Variants in B4GALNT3 observed in about 807,000 individuals in gnomAD.
B4GALNT3 encodes the protein beta-1,4-N-acetylgalactosaminyltransferase 3.
A neutral mutation model predicts 120.2 loss-of-function variants in B4GALNT3; 86 were observed. The observed-to-expected ratio is 0.72, with a 90% CI of 0.60 to 0.86. The LOEUF (loss-of-function observed/expected upper bound fraction) is 0.86, where lower values mean the gene tolerates loss of function less well. Among genes scored for constraint, B4GALNT3 ranks in the 40% least tolerant of loss-of-function variants. The probability of loss-of-function intolerance (pLI) is 0.00; values close to 1 mark genes in which losing one functional copy is unlikely to be tolerated. For missense variants in B4GALNT3, 1,167 were observed against 1,298.9 expected, an observed-to-expected ratio of 0.90 and a Z score of 1.56; for synonymous variants, 518 against 510.4, an observed-to-expected ratio of 1.01 and a Z score of -0.20.
chr12:545,732 G>A (rs1946991474), intron 6 of B4GALNT3, among the ~76,000 whole-genome samples: 1 of 142,260 alleles, frequency 7.0e-6, no homozygotes, highest in African/African-American at 2.7e-5. Flanking sequence ...GGTGTGGGGA[G>A]GAGCGAGGAG....
At chr12:474,217 G>T (rs1946162350) in intron 1 of B4GALNT3, among the ~76,000 whole-genome samples, 1 of 152,196 alleles carries the variant, frequency 6.6e-6, no homozygotes, top group South Asian at 2.1e-4. Context: ...ACTGGCTAAA[G>T]ACTGTCTGGG....
At chr12:545,263 C>T in intron 5 of B4GALNT3, 106 bp from the exon 6 acceptor site, 1 of 1,490,698 alleles carries the variant, frequency 6.7e-7, no homozygotes. Context: ...GAAGCCACAG[C>T]ATCAAGCACT....
At chr12:483,512 C>T (rs1000079778) in intron 1 of B4GALNT3, among the ~76,000 whole-genome samples, 1 of 152,162 alleles carries the variant, frequency 6.6e-6, no homozygotes, top group African/African-American at 2.4e-5. Context: ...GCCTGAGCAA[C>T]ATGGTGAAAC....
intron 5 of B4GALNT3, 43 bp downstream of exon 5, chr12:545,015 GT>G (rs772812879): frequency 2.5e-6 from 4 of 1,600,910 alleles, no homozygotes; most frequent in Non-Finnish European, 3.4e-6. Flanking sequence ...CTGCTCTAGA[GT>G]TCTGCATCGG....
chr12:559,620 C>T (rs769565832), intron 19 of B4GALNT3, among the ~76,000 whole-genome samples, 199 bp downstream of exon 19: 9 of 151,988 alleles, frequency 5.9e-5, no homozygotes, highest in Non-Finnish European at 1.2e-4. Context: ...TGTGACTCGC[C>T]CTCTGTCTGT....
In B4GALNT3 at chr12:549,890, C is replaced by A. The variant is rs1300996509; in HGVS notation, c.975C>A (p.Asp325Glu). 1 of 1,613,120 alleles carries A rather than the reference C, an allele frequency of 6.2e-7. No individual in the cohort carries two copies. The highest frequency in any genetic ancestry group is 1.7e-5 in the Admixed American group (1 of 59,984). ...EQPPADMLRP[D>E]PRDTLYRVPL... ...CGCCCGCTGACATGCTTCGGCCTGA[C>A]CCCCGGGACACCCTCTATCGAGGTA... Residue 325 changes from aspartate (D) to glutamate (E), a missense_variant, in exon 10 of 20, where the codon GAC (aspartate) becomes GAA (glutamate). Asp to Glu is a conservative substitution (Grantham distance 45). Around this residue, in one of 3 missense-constraint regions of B4GALNT3, gnomAD observed 983 missense variants for 1,102.5 expected, o/e 0.89. Transcript: ENST00000266383.
intron 1 of B4GALNT3, among the ~76,000 whole-genome samples, chr12:482,143 G>A (rs554656294): frequency 1.4e-4 from 21 of 152,300 alleles, no homozygotes; most frequent in Admixed American, 5.2e-4. Context: ...AACACACATA[G>A]GGGTATAAAG....
In B4GALNT3 at chr12:511,321, G is replaced by GCCTTCCACCTTCCA. The variant is rs1217685000; in HGVS notation, c.170-23838_170-23825dup. Among the ~76,000 whole-genome samples the GCCTTCCACCTTCCA allele has an allele frequency of 2.5e-3, 38 of 15,358 alleles. 1 individual carries two copies. The highest frequency in any genetic ancestry group is 8.5e-3 in the African/African-American group (23 of 2,698). 10.1% of individuals were successfully genotyped at this position (15,358 alleles called of 152,430 possible). On this transcript the variant is annotated intron_variant, in intron 1 of 19. Coordinates refer to ENST00000266383, the MANE Select transcript of B4GALNT3 (RefSeq NM_173593.4). ...TTCCACCTTCCACCTTCCGCCTTCT[G>GCCTTCCACCTTCCA]CCTTCCACCTTCCACCTTCCTTCCA... is the stretch of plus-strand genomic sequence containing the variant.
intron 1 of B4GALNT3, among the ~76,000 whole-genome samples, chr12:520,538 G>A (rs776256661): frequency 2.3e-4 from 16 of 68,174 alleles, no homozygotes; most frequent in Admixed American, 8.2e-4. Flanking sequence ...GAGCTGTATG[G>A]GATGTAAAAA....
intron 1 of B4GALNT3, among the ~76,000 whole-genome samples, chr12:514,489 G>C (rs776791160): frequency 2.0e-5 from 3 of 151,904 alleles, no homozygotes; most frequent in Non-Finnish European, 4.4e-5. Context: ...GAGCCACCAC[G>C]CCCAGCCTAT....
At chr12:547,973 C>G in intron 7 of B4GALNT3, 51 bp from the exon 8 acceptor site, 1 of 1,533,184 alleles carries the variant, frequency 6.5e-7, no homozygotes, top group South Asian at 1.1e-5. Flanking sequence ...GAGCCGCGAC[C>G]CCAGGGCCCA....
chr12:498,057 A>G (rs1051906538), intron 1 of B4GALNT3, among the ~76,000 whole-genome samples: 3 of 151,384 alleles, frequency 2.0e-5, no homozygotes, highest in Non-Finnish European at 4.4e-5. Context: ...ACCTTCCTCT[A>G]CTTCTCCAGT....
At position 548,812 on chromosome 12, in the gene B4GALNT3, G is replaced by A. The variant is rs926226409; in HGVS notation, c.853+515G>A. 3.3e-5 allele frequency among the ~76,000 whole-genome samples: 5 copies of A among 152,116 alleles called. No individual in the cohort carries two copies. The highest frequency in any genetic ancestry group is 1.3e-4 in the Admixed American group (2 of 15,266). ...GTAGTCACAGCTACTGGGAAGGATC[G>A]CTTGAGCCCAGGAGTTCGAAGCTGA... On this transcript the variant is annotated intron_variant, in intron 9 of 19. Transcript: ENST00000266383. The surrounding 1 kb of genome is among the most constrained non-coding windows in gnomAD (Gnocchi z 4.9).
At position 563,071 on chromosome 12, in the gene B4GALNT3, A is replaced by C. The variant is rs1433472476; in HGVS notation, c.*1620A>C. 2 of 152,282 alleles carry C rather than the reference A, an allele frequency of 1.3e-5. No individual in the cohort carries two copies. The highest frequency in any genetic ancestry group is 2.9e-5 in the Non-Finnish European group (2 of 68,124). The allele number at this position is 152,282 out of a possible 1,614,324, so 9.4% of individuals were successfully genotyped here. A position where few individuals can be genotyped will look rare whatever the true frequency, so the allele number is the denominator to read the frequency against. ...GCCTCCCTTTAAGGAATCATGAAGGACAGAGACTTTTGAGATTGTGGCTTA... is the reference window on the plus strand; with the variant it reads ...GCCTCCCTTTAAGGAATCATGAAGGCCAGAGACTTTTGAGATTGTGGCTTA... On this transcript the variant is annotated 3_prime_UTR_variant, in exon 20 of 20. Transcript: ENST00000266383.
At position 548,027 on chromosome 12, in the gene B4GALNT3, G is replaced by C; in HGVS notation, c.711G>C (p.Leu237=). 6.2e-7 allele frequency: 1 copy of C among 1,613,938 alleles called. No individual in the cohort carries two copies. Among genetic ancestry groups the C allele is most frequent in the Non-Finnish European group, 8.5e-7 (1 of 1,179,996 alleles). ...FRSQISKPVS[L]SASHRYYFEV... is the part of the protein sequence containing the mutation. ...TCCCTGCCCTCTCTCCCGCCAGCCTGTCAGCCTCCCACAGGTACTACTTCG... is the reference window on the plus strand; with the variant it reads ...TCCCTGCCCTCTCTCCCGCCAGCCTCTCAGCCTCCCACAGGTACTACTTCG... The change falls in exon 8 of 20, where the codon CTG becomes CTC. Residue 237 remains leucine, a synonymous_variant. Coordinates refer to ENST00000266383, the MANE Select transcript of B4GALNT3 (RefSeq NM_173593.4). The surrounding 1 kb of genome is among the most constrained non-coding windows in gnomAD (Gnocchi z 4.9).
chr12:551,080 C>T, intron 11 of B4GALNT3, 49 bp downstream of exon 11: 1 of 1,454,200 alleles, frequency 6.9e-7, no homozygotes, highest in Non-Finnish European at 9.6e-7. Context: ...AGAGGGATTG[C>T]TGCCTGTGAC....
rs1322718454 is a variant in B4GALNT3 at position 544,986 on chromosome 12, CA to C, written c.538+18del. 2 of 1,612,458 alleles carry C rather than the reference CA, an allele frequency of 1.2e-6. No individual in the cohort carries two copies. The highest frequency in any genetic ancestry group is 1.7e-6 in the Non-Finnish European group (2 of 1,178,776). On this transcript the variant is annotated intron_variant, in intron 5 of 19. Transcript: ENST00000266383. ...CCTTTACTGATGGTGAGGCCAGCCC[CA>C]AAACCCCATCCTTCTTCCTGCTCTA...
At chr12:534,188 T>C (rs922511301) in intron 1 of B4GALNT3, among the ~76,000 whole-genome samples, 5 of 152,226 alleles carry the variant, frequency 3.3e-5, no homozygotes, top group African/African-American at 1.2e-4. Flanking sequence ...TAAGTGAGCC[T>C]TGATCAGCCA....
intron 1 of B4GALNT3, among the ~76,000 whole-genome samples, chr12:509,749 G>A (rs55953482): frequency 0.15 from 23,554 of 152,080 alleles, 2,132 homozygotes; most frequent in South Asian, 0.23. Context: ...TGCTGAGAGC[G>A]GAGCTGGGTT....
Sources: gnomAD v4.1 joint callset for allele counts (sites outside exome capture counted in the v4.1 genomes callset) on GRCh38, gnomAD v4.1.1 for gene constraint, gnomAD v4.1.1 regional missense constraint, Gnocchi (gnomAD v3.1) non-coding constraint, MANE v1.5 for transcripts, NCBI Gene and HGNC (gene_info 2026-07-23, HGNC 2026-07-21) for gene names.